Variants in ADGRL3 observed in about 807,000 individuals in gnomAD.
ADGRL3 encodes the protein calcium-independent alpha-latrotoxin receptor 3.
Under a neutral mutation model 153.5 loss-of-function variants are expected in ADGRL3, and 62 were observed. The observed-to-expected ratio is 0.40, with a 90% confidence interval of 0.33 to 0.50. The LOEUF (loss-of-function observed/expected upper bound fraction) is 0.50. Ranked by LOEUF, ADGRL3 falls within the 20% of genes least tolerant of loss-of-function variation. ADGRL3 has a pLI of 0.47. For synonymous variants in ADGRL3, 710 were observed against 672.5 expected (o/e 1.06, Z -0.86); for missense variants, 1,641 against 1,859.4 (o/e 0.88, Z 2.16).
chr4:61,857,006 T>TTCTTTCTTTCTTTC (rs796589157), intron 9 of ADGRL3, among the ~76,000 whole-genome samples: 4 of 112,724 alleles, frequency 3.5e-5, no homozygotes, highest in East Asian at 4.9e-4. Context: ...CTTTCTTTCT[T>TTCTTTCTTTCTTTC]TCTTTCTTTC....
At chr4:61,352,492 A>C (rs570113387) in intron 1 of ADGRL3, among the ~76,000 whole-genome samples, 2 of 151,550 alleles carry the variant, frequency 1.3e-5, no homozygotes, top group Non-Finnish European at 1.5e-5. Context: ...AGGTTCAATT[A>C]TCCTGCCTCA....
intron 9 of ADGRL3, among the ~76,000 whole-genome samples, chr4:61,814,334 C>T (rs1254576173): frequency 6.6e-6 from 1 of 151,188 alleles, no homozygotes; most frequent in African/African-American, 2.4e-5. Flanking sequence ...ATATTAACAT[C>T]ATTTAGTTTT....
intron 9 of ADGRL3, among the ~76,000 whole-genome samples, chr4:61,834,192 A>G (rs550181519): frequency 3.1e-3 from 454 of 144,500 alleles, no homozygotes; most frequent in Non-Finnish European, 4.8e-3. Flanking sequence ...ATTCCCACCT[A>G]TGAGTGAGAA....
intron 4 of ADGRL3, among the ~76,000 whole-genome samples, chr4:61,545,191 T>A (rs1263054661): frequency 6.6e-6 from 1 of 152,150 alleles, no homozygotes; most frequent in Admixed American, 6.5e-5. Context: ...AAGTTGTAAT[T>A]AAAAATTACA....
intron 4 of ADGRL3, among the ~76,000 whole-genome samples, chr4:61,577,086 GACAAA>G (rs377465041): frequency 6.6e-6 from 1 of 151,678 alleles, no homozygotes; most frequent in Admixed American, 6.6e-5. Flanking sequence ...TTTCCCTAGG[GACAAA>G]ACAAAACAAA....
intron 2 of ADGRL3, among the ~76,000 whole-genome samples, chr4:61,456,381 A>C (rs13123948): frequency 0.066 from 7,071 of 106,992 alleles, 667 homozygotes; most frequent in South Asian, 0.1. Context: ...ATATCTATAT[A>C]TATATATAGA....
intron 6 of ADGRL3, among the ~76,000 whole-genome samples, chr4:61,690,426 C>G (rs1227485527): frequency 6.6e-6 from 1 of 151,668 alleles, no homozygotes; most frequent in East Asian, 2.0e-4. Flanking sequence ...AAGAGCAAGA[C>G]CCTGTCTCAT....
intron 23 of ADGRL3, among the ~76,000 whole-genome samples, chr4:62,036,438 AT>A (rs1725044921): frequency 6.6e-6 from 1 of 151,922 alleles, no homozygotes; most frequent in Admixed American, 6.6e-5. Flanking sequence ...CCCTATCTCT[AT>A]CATTTTTCTT....
At chr4:61,440,103 C>T (rs2097508973) in intron 2 of ADGRL3, among the ~76,000 whole-genome samples, 1 of 151,888 alleles carries the variant, frequency 6.6e-6, no homozygotes, top group Non-Finnish European at 1.5e-5. Flanking sequence ...GGCTGAAGTA[C>T]AGTAGTGCAA....
chr4:61,297,902 C>T (rs193000568), intron 1 of ADGRL3, among the ~76,000 whole-genome samples: 51 of 152,096 alleles, frequency 3.4e-4, no homozygotes, highest in African/African-American at 9.4e-4. Flanking sequence ...GTATCATTTG[C>T]GAGACTTCCT....
intron 25 of ADGRL3, among the ~76,000 whole-genome samples, chr4:62,047,148 A>C (rs867954193): frequency 6.6e-6 from 1 of 151,874 alleles, no homozygotes; most frequent in South Asian, 2.1e-4. Flanking sequence ...TTTTTTATAG[A>C]TAGTGTTTTT....
chr4:61,806,230 G>A (rs1476713497), intron 8 of ADGRL3, among the ~76,000 whole-genome samples: 2 of 151,918 alleles, frequency 1.3e-5, no homozygotes, highest in Non-Finnish European at 1.5e-5. Flanking sequence ...TTTCATTTAG[G>A]TTACTATTCC....
rs116403044 is a variant in ADGRL3 at position 61,389,810 on chromosome 4, A to G, written c.-174+6621A>G. 4.8e-3 allele frequency among the ~76,000 whole-genome samples: 731 copies of G among 152,252 alleles called. 12 individuals are homozygous for G. Among genetic ancestry groups the G allele is most frequent in the African/African-American group, 0.017 (688 of 41,548 alleles). ...CTGTATATAGTTAGTGCCCTTCAGAATTTACATGCATAAATGGTGACCTTT... is the reference window on the plus strand; with the variant it reads ...CTGTATATAGTTAGTGCCCTTCAGAGTTTACATGCATAAATGGTGACCTTT... On this transcript the variant is annotated intron_variant, in intron 2 of 26. Transcript: ENST00000683033.
At chr4:61,888,522 G>A (rs1305087713) in intron 9 of ADGRL3, among the ~76,000 whole-genome samples, 2 of 152,176 alleles carry the variant, frequency 1.3e-5, no homozygotes, top group Non-Finnish European at 2.9e-5. Context: ...GTGACAGCAT[G>A]TCTATCACTA....
intron 17 of ADGRL3, among the ~76,000 whole-genome samples, chr4:61,973,708 G>C (rs1161282073): frequency 6.6e-6 from 1 of 151,374 alleles, no homozygotes; most frequent in African/African-American, 2.4e-5. Context: ...TTTTTTTAAT[G>C]AGTTTTCCAA....
chr4:62,007,356 T>TTATATATATA (rs71666906), intron 21 of ADGRL3, among the ~76,000 whole-genome samples: 978 of 30,826 alleles, frequency 0.032, 63 homozygotes, highest in African/African-American at 0.057. Context: ...GACAAAATGA[T>TTATATATATA]TATATATATA....
chr4:61,878,772 T>G (rs2098491227), intron 9 of ADGRL3, among the ~76,000 whole-genome samples: 1 of 152,182 alleles, frequency 6.6e-6, no homozygotes, highest in East Asian at 1.9e-4. Flanking sequence ...GTCTTCATGG[T>G]GCTTTTGGGG....
chr4:61,680,848 A>G (rs1561053824), intron 6 of ADGRL3, among the ~76,000 whole-genome samples: 1 of 152,014 alleles, frequency 6.6e-6, no homozygotes, highest in Non-Finnish European at 1.5e-5. Context: ...TCTAAGTCCT[A>G]CCTTCTTACT....
intron 2 of ADGRL3, among the ~76,000 whole-genome samples, chr4:61,457,712 A>G (rs1008395965): frequency 6.6e-6 from 1 of 151,864 alleles, no homozygotes; most frequent in Non-Finnish European, 1.5e-5. Flanking sequence ...AAAGTTTGCT[A>G]CTATGTGCTT....
Sources: allele counts gnomAD v4.1 joint callset (sites outside exome capture counted in the v4.1 genomes callset), GRCh38; gene constraint gnomAD v4.1.1; transcripts MANE v1.5; gene names NCBI Gene and HGNC (gene_info 2026-07-23, HGNC 2026-07-21).